Variants in SLC1A6 observed in about 807,000 individuals in gnomAD.
The protein encoded by SLC1A6 is excitatory amino acid transporter 4.
A neutral mutation model predicts 42.1 loss-of-function variants in SLC1A6; 15 were observed. The ratio of observed to expected loss-of-function variants is 0.36; its 90% CI spans 0.24 to 0.55. The LOEUF (loss-of-function observed/expected upper bound fraction) is 0.55. Ranked by LOEUF, SLC1A6 falls within the 20% of genes least tolerant of loss-of-function variation. The pLI is 0.88. For synonymous variants in SLC1A6, 317 were observed against 319.7 expected (o/e 0.99, Z 0.09); for missense variants, 542 against 772.5 (o/e 0.70, Z 3.54).
chr19:14,953,567 T>C (rs2045433100), intron 8 of SLC1A6, among the ~76,000 whole-genome samples: 1 of 151,818 alleles, frequency 6.6e-6, no homozygotes, highest in African/African-American at 2.4e-5. Flanking sequence ...GCTTACATTC[T>C]AGTATGGGAA....
chr19:14,953,723 T>C (rs1305262280), intron 8 of SLC1A6, among the ~76,000 whole-genome samples: 1 of 152,196 alleles, frequency 6.6e-6, no homozygotes, highest in Non-Finnish European at 1.5e-5. Context: ...CTGAAGGAGA[T>C]GACAATGTTC....
intron 1 of SLC1A6, among the ~76,000 whole-genome samples, chr19:14,998,633 T>G (rs2045858229): frequency 6.6e-6 from 1 of 152,084 alleles, no homozygotes; most frequent in African/African-American, 2.4e-5. Context: ...AATTCCAAAT[T>G]ACTTTAGTAT....
chr19:15,010,435 A>C (rs1412665060), intron 1 of SLC1A6: 6 of 472,506 alleles, frequency 1.3e-5, no homozygotes, highest in Non-Finnish European at 2.5e-5. Context: ...CTGGAAGGTA[A>C]CGGCGAGAGG....
At chr19:14,996,404 A>G (rs971017122) in intron 1 of SLC1A6, among the ~76,000 whole-genome samples, 1 of 152,172 alleles carries the variant, frequency 6.6e-6, no homozygotes, top group African/African-American at 2.4e-5. Context: ...ACTTAATGCC[A>G]CTGAACTGTA....
At chr19:14,991,455 T>G (rs2145232335) in intron 1 of SLC1A6, among the ~76,000 whole-genome samples, 1 of 152,160 alleles carries the variant, frequency 6.6e-6, no homozygotes. Flanking sequence ...AAACCCCATC[T>G]CTACCAAAAA....
chr19:14,997,842 A>G (rs1202236809), intron 1 of SLC1A6, among the ~76,000 whole-genome samples: 3 of 152,106 alleles, frequency 2.0e-5, no homozygotes, highest in African/African-American at 7.2e-5. Flanking sequence ...GCTCCTTCCA[A>G]AGCTCTGGAG....
upstream of SLC1A6, among the ~76,000 whole-genome samples, chr19:14,983,114 A>C (rs578078571): frequency 2.0e-5 from 3 of 152,230 alleles, no homozygotes; most frequent in East Asian, 5.8e-4. Context: ...ACTTGCGGAG[A>C]TTCTGACATT....
chr19:14,959,694 C>G (rs546916220), intron 6 of SLC1A6, among the ~76,000 whole-genome samples: 3 of 152,128 alleles, frequency 2.0e-5, no homozygotes, highest in Non-Finnish European at 4.4e-5. Context: ...TCCTGAATGC[C>G]CCACCATTCT....
At position 14,962,226 on chromosome 19, in the gene SLC1A6, C is replaced by G. The variant is rs1205798767; in HGVS notation, c.711G>C (p.Leu237=). 1.2e-6 allele frequency: 2 copies of G among 1,614,196 alleles called. No individual in the cohort carries two copies. Among genetic ancestry groups the G allele is most frequent in the Non-Finnish European group, 1.7e-6 (2 of 1,180,036 alleles). The change falls in exon 6 of 10, where the codon CTG becomes CTC. Residue 237 remains leucine (L), a synonymous_variant. Transcript: ENST00000594383. ...PFSVENGTSF[L]ENVTRALGTL... is the part of the protein sequence containing the mutation. ...TACCCAAGGCCCGAGTGACATTTTCCAGGAAGCTGGTTCCGTTCTCCACTG... is the reference window on the plus strand; with the variant it reads ...TACCCAAGGCCCGAGTGACATTTTCGAGGAAGCTGGTTCCGTTCTCCACTG...
intron 1 of SLC1A6, among the ~76,000 whole-genome samples, chr19:14,989,762 GGT>G (rs1184191019): frequency 0.07 from 1,369 of 19,628 alleles, 19 homozygotes; most frequent in African/African-American, 0.26. Context: ...CGGGGGGTGG[GGT>G]GTGGATCACC....
rs2045745608 is a variant in SLC1A6, at chr19:14,979,134, A to T, written c.-8+175T>A. Among the ~76,000 whole-genome samples the T allele has an allele frequency of 6.6e-6, 1 of 151,152 alleles. No homozygotes were observed. The highest frequency in any genetic ancestry group is 1.5e-5 in the Non-Finnish European group (1 of 67,854). ...CCCTCTGCAGCCTCAGCCACATCAGATACATCTGAAATTGGTGAAATAAGC... is the reference window on the plus strand; with the variant it reads ...CCCTCTGCAGCCTCAGCCACATCAGTTACATCTGAAATTGGTGAAATAAGC... On this transcript the variant is annotated intron_variant, in intron 1 of 9. Coordinates refer to ENST00000594383, the MANE Select transcript of SLC1A6 (RefSeq NM_005071.3). The surrounding 1 kb of genome is among the most constrained non-coding windows in gnomAD (Gnocchi z 4.2).
intron 1 of SLC1A6, among the ~76,000 whole-genome samples, chr19:14,986,244 A>G (rs2045792039): frequency 1.3e-5 from 2 of 152,030 alleles, no homozygotes; most frequent in African/African-American, 4.8e-5. Context: ...TGGGCCAGAC[A>G]CAGTGGCTCA....
chr19:14,957,273 C>T (rs893520323), intron 6 of SLC1A6, among the ~76,000 whole-genome samples: 2 of 152,148 alleles, frequency 1.3e-5, no homozygotes, highest in East Asian at 1.9e-4. Context: ...TGACTGAGTA[C>T]CTACTGAGTA....
rs369967465 is a variant in SLC1A6 at position 14,987,844 on chromosome 19, T to G, written c.7-14927A>C. 3.0e-3 allele frequency among the ~76,000 whole-genome samples: 459 copies of G among 152,278 alleles called. 2 individuals are homozygous for G. The highest frequency in any genetic ancestry group is 5.3e-3 in the Non-Finnish European group (362 of 68,034). On this transcript the variant is annotated intron_variant, in intron 1 of 8. Transcript: ENST00000430939. ...TCCAGCAGAGCCTGCCTTTTCGGTTTTGGCTTTTTTATTTGTTTTGGTTTG... is the reference window on the plus strand; with the variant it reads ...TCCAGCAGAGCCTGCCTTTTCGGTTGTGGCTTTTTTATTTGTTTTGGTTTG...
chr19:14,972,593 G>T (rs957322545), intron 2 of SLC1A6, 113 bp downstream of exon 2: 6 of 804,456 alleles, frequency 7.5e-6, no homozygotes, highest in Non-Finnish European at 1.0e-5. Context: ...GGACTGGGAC[G>T]TGTGTGCAGG....
intron 1 of SLC1A6, among the ~76,000 whole-genome samples, chr19:14,998,021 G>GTGTA (rs71168538): frequency 0.22 from 33,881 of 151,386 alleles, 4,280 homozygotes; most frequent in East Asian, 0.47. Flanking sequence ...GTGTGTGTGT[G>GTGTA]TATGCACTAT....
intron 1 of SLC1A6, chr19:14,977,073 C>T (rs1353799909): frequency 6.6e-6 from 1 of 150,772 alleles, no homozygotes; most frequent in Non-Finnish European, 1.5e-5. Flanking sequence ...AAGAGTGAAC[C>T]ACAGACTACA....
Position 14,990,788 on chromosome 19 carries a change from A to AAAC in SLC1A6, c.7-17872_7-17871insGTT, listed in dbSNP as rs199606496. ...CTGTCTCAAAAAACAAAACAAAACA[A>AAAC]AAAAAAAAAAAAACGAATAATTTCA... is the stretch of plus-strand genomic sequence containing the variant. On this transcript the variant is annotated intron_variant, in intron 1 of 8. Coordinates refer to the SLC1A6 transcript ENST00000430939. 3.8e-3 allele frequency among the ~76,000 whole-genome samples: 420 copies of AAAC among 111,106 alleles called. 3 individuals carry two copies. The highest frequency in any genetic ancestry group is 0.012 in the African/African-American group (370 of 30,182). 72.9% of individuals were successfully genotyped at this position (111,106 alleles called of 152,430 possible).
intron 5 of SLC1A6, among the ~76,000 whole-genome samples, chr19:14,963,694 C>G (rs1373109774): frequency 6.6e-6 from 1 of 152,164 alleles, no homozygotes; most frequent in Non-Finnish European, 1.5e-5. Context: ...GAATTTTTCA[C>G]AAGCTCCCTG....
Sources: gnomAD v4.1 joint callset for allele counts (sites outside exome capture counted in the v4.1 genomes callset) on GRCh38, gnomAD v4.1.1 for gene constraint, Gnocchi (gnomAD v3.1) non-coding constraint, MANE v1.5 for transcripts, NCBI Gene and HGNC (gene_info 2026-07-23, HGNC 2026-07-21) for gene names.